SAMHD1: variants seen among roughly 807,000 people sequenced by gnomAD.
SAMHD1 encodes deoxynucleoside triphosphate triphosphohydrolase SAMHD1.
SAMHD1 carries 54 observed loss-of-function variants against 79.6 expected under a neutral mutation model. The ratio of observed to expected loss-of-function variants is 0.68; its 90% CI spans 0.55 to 0.85. SAMHD1 has a LOEUF of 0.85. Among genes scored for constraint, SAMHD1 ranks in the 40% least tolerant of loss-of-function variants. SAMHD1 has a pLI of 0.00. For missense variants in SAMHD1, 663 were observed against 782.7 expected (o/e 0.85, Z 1.82); for synonymous variants, 260 against 264.1 (o/e 0.98, Z 0.15).
intron 15 of SAMHD1, chr20:36,893,961 T>C: frequency 2.5e-6 from 1 of 398,380 alleles, no homozygotes; most frequent in Non-Finnish European, 4.4e-6. Flanking sequence ...AGAAGTCAGG[T>C]TTTTTCTCTC....
chr20:36,924,909 A>C (rs182511366), intron 6 of SAMHD1, among the ~76,000 whole-genome samples: 1 of 152,084 alleles, frequency 6.6e-6, no homozygotes, highest in Non-Finnish European at 1.5e-5. Context: ...CTGTAATCCC[A>C]GCGCTTTGGG....
At chr20:36,945,198 G>A (rs962485894) in intron 2 of SAMHD1, among the ~76,000 whole-genome samples, 10 of 152,058 alleles carry the variant, frequency 6.6e-5, no homozygotes, top group African/African-American at 2.4e-4. Context: ...CACAGTACCC[G>A]GCTAATTTTT....
intron 9 of SAMHD1, among the ~76,000 whole-genome samples, chr20:36,914,456 T>C (rs2063463952): frequency 6.6e-6 from 1 of 151,984 alleles, no homozygotes; most frequent in Admixed American, 6.6e-5. Flanking sequence ...GTTCAAGTTA[T>C]TTTTCTGCCT....
chr20:36,923,203 G>A (rs1013950835), intron 6 of SAMHD1, among the ~76,000 whole-genome samples: 10 of 150,416 alleles, frequency 6.6e-5, no homozygotes, highest in East Asian at 4.0e-4. Flanking sequence ...GGATTTCACC[G>A]TTAGCCAGGA....
In SAMHD1 at chr20:36,892,909, T is replaced by G. The variant is rs1990111910; in HGVS notation, c.*23A>C. ...AATGAATTGTGCAGGAGAGGGAGTT[T>G]GTAAACAACTGACTACAGACATTCA... On this transcript the variant is annotated 3_prime_UTR_variant, in exon 16 of 16. Transcript: ENST00000646673. 6.2e-7 allele frequency: 1 copy of G among 1,613,864 alleles called. No individual in the cohort carries two copies. Among genetic ancestry groups the G allele is most frequent in the Admixed American group, 1.7e-5 (1 of 59,982 alleles).
chr20:36,934,731 C>T, intron 4 of SAMHD1: 3 of 299,536 alleles, frequency 1.0e-5, no homozygotes, highest in East Asian at 1.6e-4. Context: ...AATCTCAGCT[C>T]ACTGCAACCA....
At position 36,911,199 on chromosome 20, in the gene SAMHD1, G is replaced by T. The variant is rs1354388841; in HGVS notation, c.1270+19C>A. ...AGTTTATCTGAGATGGACCATCTAT[G>T]TTACCTGTTACTTCTTACCTGTCAG... On this transcript the variant is annotated intron_variant, in intron 11 of 15. Coordinates refer to ENST00000646673, the MANE Select transcript of SAMHD1 (RefSeq NM_015474.4). The T allele has an allele frequency of 6.9e-7, 1 of 1,457,360 alleles. No individual in the cohort carries two copies. The highest frequency in any genetic ancestry group is 9.6e-7 in the Non-Finnish European group (1 of 1,037,754). 90.3% of individuals were successfully genotyped at this position (1,457,360 alleles called of 1,614,324 possible). A position where few individuals can be genotyped will look rare whatever the true frequency, so the allele number is the denominator to read the frequency against.
chr20:36,912,488 T>C lies in SAMHD1; in HGVS notation c.1127A>G (p.His376Arg). 3.1e-6 allele frequency: 5 copies of C among 1,612,786 alleles called. No homozygotes were observed. Among genetic ancestry groups the C allele is most frequent in the Non-Finnish European group, 3.4e-6 (4 of 1,178,862 alleles). The change falls in exon 10 of 16, where the codon CAC (histidine) becomes CGC (arginine). Residue 376 changes from histidine to arginine, a missense_variant. Physicochemically the swap from His to Arg is conservative, Grantham distance 29. Transcript: ENST00000646673. ...TGTATCAATAATGTTGCCAACTTTGTGTTGATAAGCTCTACGGTGTAAAGA... is the reference window on the plus strand; with the variant it reads ...TGTATCAATAATGTTGCCAACTTTGCGTTGATAAGCTCTACGGTGTAAAGA... The part of the protein sequence containing the change: ...RNSLHRRAYQ[H>R]KVGNIIDTMI...
chr20:36,949,119 C>G (rs1483070670), intron 1 of SAMHD1, among the ~76,000 whole-genome samples: 3 of 149,196 alleles, frequency 2.0e-5, no homozygotes, highest in Non-Finnish European at 4.5e-5. Flanking sequence ...ACAAAATTAG[C>G]CAGGCGTGGT....
At chr20:36,939,930 C>T (rs189786857) in intron 3 of SAMHD1, among the ~76,000 whole-genome samples, 146 of 152,222 alleles carry the variant, frequency 9.6e-4, no homozygotes, top group African/African-American at 3.3e-3. Context: ...TCTGGCTGGG[C>T]GCAGTGGCTC....
At chr20:36,947,549 GGGGTGTGTGT>G (rs1385523435) in intron 1 of SAMHD1, among the ~76,000 whole-genome samples, 1,116 of 60,754 alleles carry the variant, frequency 0.018, 68 homozygotes, top group African/African-American at 0.055. Flanking sequence ...ATTTGGAAGA[GGGGTGTGTGT>G]GTGTGTGTGT....
chr20:36,902,873 G>A (rs1990331334), intron 13 of SAMHD1, among the ~76,000 whole-genome samples: 1 of 151,848 alleles, frequency 6.6e-6, no homozygotes. Flanking sequence ...AAGTAACTGG[G>A]ATTATAGGCG....
chr20:36,931,233 A>G (rs998261630), intron 4 of SAMHD1, among the ~76,000 whole-genome samples: 11 of 152,246 alleles, frequency 7.2e-5, no homozygotes, highest in African/African-American at 2.4e-4. Context: ...ATTATGGTGT[A>G]GCTGCCATGG....
chr20:36,935,409 G>A, intron 3 of SAMHD1: 2 of 553,354 alleles, frequency 3.6e-6, no homozygotes, highest in Non-Finnish European at 6.4e-6. Context: ...TCTTCCTAAT[G>A]GATGTGAATA....
rs1327694039 is a variant in SAMHD1, at chr20:36,916,998, A to T, written c.904T>A (p.Ser302Thr). The T allele has an allele frequency of 6.2e-7, 1 of 1,613,944 alleles. No individual in the cohort carries two copies. The highest frequency in any genetic ancestry group is 8.5e-7 in the Non-Finnish European group (1 of 1,179,954). Reference protein sequence around the residue: ...ENKSFLYEIVSNKRNGIDVDK... With the variant: ...ENKSFLYEIVTNKRNGIDVDK... ...ACATCAATGCCATTTCTTTTATTAG[A>T]TACTATCTCATAAAGGAAGCTTTTG... is the stretch of plus-strand genomic sequence containing the variant. Residue 302 changes from serine (S) to threonine (T), a missense_variant, in exon 8 of 16, where the codon TCT becomes ACT. Ser to Thr is a moderately conservative substitution (Grantham distance 58, BLOSUM62 1). Transcript: ENST00000646673.
chr20:36,928,296 G>A (rs529455564), intron 5 of SAMHD1, among the ~76,000 whole-genome samples: 1 of 152,230 alleles, frequency 6.6e-6, no homozygotes, highest in East Asian at 1.9e-4. Flanking sequence ...GGCTGAGACA[G>A]GAGAATGGCG....
chr20:36,903,540 T>TC (rs1298093437), intron 13 of SAMHD1, among the ~76,000 whole-genome samples: 25 of 122,122 alleles, frequency 2.0e-4, no homozygotes, highest in Middle Eastern at 5.5e-3. Flanking sequence ...TGCCCAGCAA[T>TC]TTTTTTTTTC....
At chr20:36,904,121 G>A (rs377334360) in intron 13 of SAMHD1, 36 bp downstream of exon 13, 88 of 1,341,682 alleles carry the variant, frequency 6.6e-5, no homozygotes, top group Non-Finnish European at 6.9e-5. Flanking sequence ...TCTTTAAAAC[G>A]TATTCACTCA....
chr20:36,925,675 C>A (rs1004272040), intron 6 of SAMHD1, among the ~76,000 whole-genome samples: 1 of 152,090 alleles, frequency 6.6e-6, no homozygotes, highest in Non-Finnish European at 1.5e-5. Flanking sequence ...ACTTTTTAAA[C>A]GAGTAAAATG....
Sources: gnomAD v4.1 joint callset for allele counts (sites outside exome capture counted in the v4.1 genomes callset) on GRCh38, gnomAD v4.1.1 for gene constraint, MANE v1.5 for transcripts, NCBI Gene and HGNC (gene_info 2026-07-23, HGNC 2026-07-21) for gene names.